The following ARID1B variants were observed in gnomAD, a reference collection of about 807,000 sequenced individuals.
ARID1B encodes AT-rich interaction domain 1B, also known as AT-rich interactive domain-containing protein 1B.
Under a neutral mutation model 212.3 loss-of-function variants are expected in ARID1B, and 30 were observed. The ratio of observed to expected loss-of-function variants is 0.14; its 90% CI spans 0.11 to 0.19. The LOEUF is 0.19. Ranked by LOEUF, ARID1B falls within the 10% of genes least tolerant of loss-of-function variation. ARID1B has a pLI of 1.00. For missense variants in ARID1B, 2,891 were observed against 3,204.0 expected (o/e 0.90, Z 2.36); for synonymous variants, 1,402 against 1,301.7 (o/e 1.08, Z -1.66).
At chr6:157,099,884 A>G (rs564564006) in intron 5 of ARID1B, among the ~76,000 whole-genome samples, 41 of 152,264 alleles carry the variant, frequency 2.7e-4, no homozygotes, top group African/African-American at 9.4e-4. Context: ...CGGGAATTGG[A>G]AGTATCCTTA....
chr6:157,101,150 A>G (rs1426192420), intron 5 of ARID1B, among the ~76,000 whole-genome samples: 1 of 152,214 alleles, frequency 6.6e-6, no homozygotes, highest in Non-Finnish European at 1.5e-5. Context: ...CATAGTAGTA[A>G]TGTATCAGTA....
At chr6:157,205,915 T>G in intron 19 of ARID1B, 2 of 488,630 alleles carry the variant, frequency 4.1e-6, no homozygotes, top group Non-Finnish European at 7.4e-6. Context: ...AGTTTTCGTG[T>G]AGATAGTCTA....
intron 5 of ARID1B, among the ~76,000 whole-genome samples, chr6:157,106,304 G>C (rs1450289130): frequency 4.6e-5 from 7 of 152,318 alleles, no homozygotes; most frequent in Non-Finnish European, 1.0e-4. Flanking sequence ...CTGGCAGAGA[G>C]TTCAGGCACC....
At chr6:157,022,112 G>A (rs964328936) in intron 4 of ARID1B, among the ~76,000 whole-genome samples, 3 of 151,908 alleles carry the variant, frequency 2.0e-5, no homozygotes, top group Non-Finnish European at 2.9e-5. Flanking sequence ...CAGGGCCGCG[G>A]AGCCCAGGCC....
In ARID1B at chr6:156,778,301, G is replaced by GCAGCAGCAGCAGCAA; in HGVS notation, c.627_641dup (p.Gln210_Gln214dup). The GCAGCAGCAGCAGCAA allele has an allele frequency of 1.3e-6, 2 of 1,544,140 alleles. No homozygotes were observed. The highest frequency in any genetic ancestry group is 2.4e-5 in the East Asian group (1 of 40,826). ...AGCAGCAGCAGCAGCAACAGCAGCA[G>GCAGCAGCAGCAGCAA]CAGCAGCAGCAGCAACAGCAACATC... On this transcript the variant is annotated inframe_insertion, in exon 1 of 20. Transcript: ENST00000636930.
intron 2 of ARID1B, among the ~76,000 whole-genome samples, chr6:156,889,526 A>G (rs1012776559): frequency 7.2e-5 from 11 of 152,260 alleles, no homozygotes; most frequent in Non-Finnish European, 1.6e-4. Flanking sequence ...GAATACTTGA[A>G]TAAAATCTCC....
At chr6:156,927,457 G>T (rs964162147) in intron 3 of ARID1B, among the ~76,000 whole-genome samples, 1 of 152,094 alleles carries the variant, frequency 6.6e-6, no homozygotes, top group African/African-American at 2.4e-5. Flanking sequence ...TTTTTGGGAG[G>T]TGGGATATTT....
intron 4 of ARID1B, among the ~76,000 whole-genome samples, chr6:156,968,713 C>T (rs1471587091): frequency 1.3e-5 from 2 of 152,214 alleles, no homozygotes; most frequent in Non-Finnish European, 2.9e-5. Flanking sequence ...ATTCTGGTGC[C>T]ACCACTTCTA....
At chr6:156,911,338 GTTTTTTTTT>G (rs57374747) in intron 3 of ARID1B, among the ~76,000 whole-genome samples, 3 of 105,362 alleles carry the variant, frequency 2.8e-5, no homozygotes, top group African/African-American at 1.0e-4. Context: ...TAAATAATTA[GTTTTTTTTT>G]TTTTTTTTTT....
At chr6:157,113,707 T>G (rs1181943515) in intron 6 of ARID1B, among the ~76,000 whole-genome samples, 3 of 152,082 alleles carry the variant, frequency 2.0e-5, no homozygotes, top group Non-Finnish European at 4.4e-5. Context: ...GAGATTTGGG[T>G]GGGGACACAA....
chr6:156,887,695 A>C (rs1021623780), intron 2 of ARID1B, among the ~76,000 whole-genome samples: 1 of 152,136 alleles, frequency 6.6e-6, no homozygotes, highest in African/African-American at 2.4e-5. Flanking sequence ...ACCCTCAGAG[A>C]GTGGGCTTTT....
At chr6:156,871,524 C>A in intron 2 of ARID1B, 2 of 1,164,992 alleles carry the variant, frequency 1.7e-6, no homozygotes, top group Non-Finnish European at 2.5e-6. Flanking sequence ...TGCTCAAGGT[C>A]ACCTAATTAA....
chr6:157,063,023 A>G (rs1037403458), intron 4 of ARID1B, among the ~76,000 whole-genome samples: 2 of 152,118 alleles, frequency 1.3e-5, no homozygotes, highest in African/African-American at 2.4e-5. Context: ...ATTTTAAAGA[A>G]ATAAGTTACA....
chr6:156,905,720 A>G (rs905401139), intron 3 of ARID1B, among the ~76,000 whole-genome samples: 5 of 152,100 alleles, frequency 3.3e-5, no homozygotes, highest in African/African-American at 1.2e-4. Flanking sequence ...ATCTTTTAGT[A>G]TCTGATGGGG....
chr6:156,865,041 T>C (rs1785586831), intron 2 of ARID1B, among the ~76,000 whole-genome samples: 1 of 152,222 alleles, frequency 6.6e-6, no homozygotes, highest in African/African-American at 2.4e-5. Flanking sequence ...ATCAGTTATG[T>C]CATCAGTTTT....
chr6:156,867,768 A>T (rs1785811568), intron 2 of ARID1B, among the ~76,000 whole-genome samples: 1 of 152,202 alleles, frequency 6.6e-6, no homozygotes, highest in African/African-American at 2.4e-5. Flanking sequence ...GACAGATCTC[A>T]AGCTGCTCTT....
chr6:156,814,016 C>T (rs1218371392), intron 1 of ARID1B, among the ~76,000 whole-genome samples: 1 of 152,144 alleles, frequency 6.6e-6, no homozygotes, highest in Non-Finnish European at 1.5e-5. Flanking sequence ...AGTGTGCCAG[C>T]AAACAAAATG....
chr6:157,058,715 C>T (rs549529889), intron 4 of ARID1B, among the ~76,000 whole-genome samples: 1 of 152,328 alleles, frequency 6.6e-6, no homozygotes, highest in South Asian at 2.1e-4. Context: ...GCCTCACTCA[C>T]CCGTGCTGGG....
chr6:157,075,893 T>A (rs904620182), intron 4 of ARID1B, among the ~76,000 whole-genome samples: 2 of 152,106 alleles, frequency 1.3e-5, no homozygotes, highest in African/African-American at 4.8e-5. Context: ...TGGAGGAGGC[T>A]AAGGAGACAC....
Sources: allele counts gnomAD v4.1 joint callset (sites outside exome capture counted in the v4.1 genomes callset), GRCh38; gene constraint gnomAD v4.1.1; transcripts MANE v1.5; gene names NCBI Gene and HGNC (gene_info 2026-07-23, HGNC 2026-07-21).